The following TTN variants were observed in gnomAD, a reference collection of about 807,000 sequenced individuals.
The protein encoded by TTN is titin, also known as connectin.
A neutral mutation model predicts 3,223.0 loss-of-function variants in TTN; 1,525 were observed. That is an observed-to-expected ratio of 0.47 (90% CI 0.45 to 0.49). The LOEUF (loss-of-function observed/expected upper bound fraction) is 0.49, where lower values mean the gene tolerates loss of function less well. Ranked by LOEUF, TTN falls within the 20% of genes least tolerant of loss-of-function variation. The pLI is 0.00. For missense variants in TTN, 40,786 were observed against 43,424.0 expected, an observed-to-expected ratio of 0.94 and a Z score of 5.40; for synonymous variants, 14,094 against 15,161.0, an observed-to-expected ratio of 0.93 and a Z score of 5.17.
intron 356 of TTN, 60 bp from the exon 357 acceptor site, chr2:178,536,635 A>T (rs1426883179): frequency 3.6e-6 from 5 of 1,374,140 alleles, no homozygotes; most frequent in Admixed American, 2.8e-5. Context: ...ATTAAAGCTT[A>T]TTTTTTTAAA....
At position 178,720,194 on chromosome 2, in the gene TTN, G is replaced by A. The variant is rs1477685719; in HGVS notation, c.23448C>T (p.Ala7816=). The change falls in exon 81 of 363, where the codon GCC becomes GCT. Residue 7816 remains alanine (A), a synonymous_variant. Transcript: ENST00000589042. ...TLIGDAVELR[A]IVEGFQPISV... ...AAATTGGCTGGAAGCCCTCCACTAT[G>A]GCCCGTAACTCAACAGCATCCCCAA... The A allele has an allele frequency of 6.2e-7, 1 of 1,613,738 alleles. No individual in the cohort carries two copies. Among genetic ancestry groups the A allele is most frequent in the South Asian group, 1.1e-5 (1 of 91,068 alleles).
Position 178,756,206 on chromosome 2 carries a change from C to G in TTN, c.11254+16G>C, listed in dbSNP as rs751243951. ...GAGGATGAAATGAAGCAAGTCATAG[C>G]TAAAAATCAATTAACCACCTTCTAC... On this transcript the variant is annotated intron_variant, in intron 46 of 362. Transcript: ENST00000589042. 5 of 1,571,752 alleles carry G rather than the reference C, an allele frequency of 3.2e-6. No individual in the cohort carries two copies. The Admixed American group carries it at 8.6e-5, about 27-fold the overall frequency.
At position 178,740,289 on chromosome 2, in the gene TTN, C is replaced by T. The variant is rs1308796300; in HGVS notation, c.12944G>A (p.Gly4315Glu). The T allele has an allele frequency of 3.1e-6, 5 of 1,613,630 alleles. No individual in the cohort carries two copies. Among genetic ancestry groups the T allele is most frequent in the Non-Finnish European group, 4.2e-6 (5 of 1,179,808 alleles). ...CTCAATTCTGACCGCAGAATCTTGC[C>T]CTGCATTTTCCAGTGGATTTGCACT... ...IESANPLENA[G>E]QDSAVRIEEG... Residue 4315 changes from glycine to glutamate, a missense_variant, in exon 48 of 363, where the codon GGG becomes GAG. By Grantham distance (98) the Gly-to-Glu change is moderately conservative. Transcript: ENST00000589042.
intron 13 of TTN, among the ~76,000 whole-genome samples, chr2:178,788,209 G>A (rs2093309903): frequency 6.6e-6 from 1 of 152,004 alleles, no homozygotes; most frequent in African/African-American, 2.4e-5. Flanking sequence ...AGATGTATTT[G>A]TTTTTGTTTA....
intron 145 of TTN, 85 bp from the exon 146 acceptor site, chr2:178,678,002 T>C: frequency 6.4e-7 from 1 of 1,561,176 alleles, no homozygotes; most frequent in Middle Eastern, 1.7e-4. Flanking sequence ...AAGGCAAATA[T>C]TCTGTGATCA....
At position 178,573,081 on chromosome 2, in the gene TTN, C is replaced by T. The variant is rs1420684207; in HGVS notation, c.73051G>A (p.Gly24351Ser). 3 of 1,613,128 alleles carry T rather than the reference C, an allele frequency of 1.9e-6. No individual in the cohort carries two copies. Among genetic ancestry groups the T allele is most frequent in the East Asian group, 4.5e-5 (2 of 44,688 alleles). Reference sequence around the variant, plus strand: ...ATATACCCAGTGATTTCTGAACCACCATCATAGATAGGTTTATTCCAAGCG... The same window carrying T: ...ATATACCCAGTGATTTCTGAACCACTATCATAGATAGGTTTATTCCAAGCG... ...SIAWNKPIYD[G>S]GSEITGYMVE... The change falls in exon 326 of 363, where the codon GGT (glycine) becomes AGT (serine). Residue 24351 changes from glycine to serine, a missense_variant. By Grantham distance (56) the Gly-to-Ser change is moderately conservative. Transcript: ENST00000589042.
At chr2:178,758,536 C>T (rs1231191257) in intron 44 of TTN, among the ~76,000 whole-genome samples, 1 of 152,134 alleles carries the variant, frequency 6.6e-6, no homozygotes, top group African/African-American at 2.4e-5. Context: ...GAATATAGCT[C>T]GCTGGTGTAC....
intron 22 of TTN, 72 bp downstream of exon 22, chr2:178,779,928 T>G: frequency 6.6e-7 from 1 of 1,513,648 alleles, no homozygotes; most frequent in Non-Finnish European, 9.1e-7. Flanking sequence ...CACTTGAAAA[T>G]GAAAATATCA....
At position 178,667,235 on chromosome 2, in the gene TTN, C is replaced by A. The variant is rs917175304; in HGVS notation, c.35797+1G>T. On this transcript the variant is annotated splice_donor_variant, in intron 162 of 362. Transcript: ENST00000589042. LOFTEE classifies it high-confidence loss of function. ...AGATTTTCCTAACTAGAGAATTATA[C>A]CTTCAGTTGGAGGATGTTCTGGAAT... The A allele has an allele frequency of 3.1e-6, 5 of 1,594,028 alleles. No homozygotes were observed. The African/African-American group carries it at 6.7e-5, about 21-fold the overall frequency.
At chr2:178,747,347 A>G in intron 47 of TTN, 3 of 1,613,296 alleles carry the variant, frequency 1.9e-6, no homozygotes, top group Non-Finnish European at 2.5e-6. Context: ...TCCTGAATGT[A>G]TTGAGGATTG....
At position 178,535,719 on chromosome 2, in the gene TTN, T is replaced by C; in HGVS notation, c.100896A>G (p.Gly33632=). 1.2e-6 allele frequency: 2 copies of C among 1,613,818 alleles called. No individual in the cohort carries two copies. Among genetic ancestry groups the C allele is most frequent in the East Asian group, 4.5e-5 (2 of 44,874 alleles). ...KPDPVITWQK[G]QDLIDNNGHY... is the part of the protein sequence containing the mutation. ...GGCCATTATTGTCAATGAGATCTTG[T>C]CCTTTCTGCCAGGTGATCACAGGAT... Residue 33632 remains glycine (G), a synonymous_variant, in exon 358 of 363, where the codon GGA becomes GGG. Transcript: ENST00000589042.
In TTN at chr2:178,604,808, C is replaced by T; in HGVS notation, c.54281G>A (p.Gly18094Asp). The T allele has an allele frequency of 1.2e-6, 2 of 1,612,346 alleles. No individual in the cohort carries two copies. The highest frequency in any genetic ancestry group is 1.7e-6 in the Non-Finnish European group (2 of 1,179,026). The part of the protein sequence containing the change: ...LTWDAPLDNG[G>D]SEITHYVIDK... ...AATAACATAATGGGTGATTTCACTGCCACCATTATCAAGAGGGGCATCCCA... is the reference window on the plus strand; with the variant it reads ...AATAACATAATGGGTGATTTCACTGTCACCATTATCAAGAGGGGCATCCCA... Residue 18094 changes from glycine (G) to aspartate (D), a missense_variant, in exon 281 of 363, where the codon GGC becomes GAC. Coordinates refer to ENST00000589042, the MANE Select transcript of TTN (RefSeq NM_001267550.2).
Position 178,547,795 on chromosome 2 carries a change from G to A in TTN, c.93831C>T (p.Asp31277=). 1 of 1,613,868 alleles carries A rather than the reference G, an allele frequency of 6.2e-7. No individual in the cohort carries two copies. ...ATCTTCCAGAGTCACCTCTCATGCT[G>A]TCCTTTACAGTCAGTGTGGTTCTGT... ...TKDRTTLTVK[D]SMRGDSGRYF... The change falls in exon 339 of 363, where the codon GAC becomes GAT. Residue 31277 remains aspartate (D), a synonymous_variant. Coordinates refer to ENST00000589042, the MANE Select transcript of TTN (RefSeq NM_001267550.2).
intron 223 of TTN, among the ~76,000 whole-genome samples, chr2:178,638,238 A>T (rs2060747178): frequency 6.6e-6 from 1 of 151,716 alleles, no homozygotes; most frequent in Non-Finnish European, 1.5e-5. Flanking sequence ...TCAAAAGAAT[A>T]TAGTGTATTT....
At chr2:178,544,579 C>G (rs1224363441) in intron 344 of TTN, 73 bp from the exon 345 acceptor site, 2 of 1,345,444 alleles carry the variant, frequency 1.5e-6, no homozygotes, top group Admixed American at 4.0e-5. Flanking sequence ...TTTTTGTTTT[C>G]AAGACTCACA....
rs1187984311 is a variant in TTN, at chr2:178,776,581, G to C, written c.5283C>G (p.Ser1761Arg). Residue 1761 changes from serine (S) to arginine (R), a missense_variant, in exon 28 of 363, where the codon AGC becomes AGG. Ser to Arg is a moderately radical substitution (Grantham distance 110). Transcript: ENST00000589042. ...LRMINEFGYC[S>R]LDYGVAYSRD... ...TAGAATATGCAACGCCATAATCAAG[G>C]CTGCAGTACCCAAATTCATTGATCA... 1.2e-6 allele frequency: 2 copies of C among 1,613,718 alleles called. No individual in the cohort carries two copies. Among genetic ancestry groups the C allele is most frequent in the Non-Finnish European group, 1.7e-6 (2 of 1,179,992 alleles).
At position 178,531,062 on chromosome 2, in the gene TTN, T is replaced by C. The variant is rs1688904998; in HGVS notation, c.105553A>G (p.Thr35185Ala). 1.9e-6 allele frequency: 3 copies of C among 1,613,800 alleles called. No individual in the cohort carries two copies. In the South Asian group the frequency reaches 3.3e-5, roughly 18 times the overall value. Residue 35185 changes from threonine (T) to alanine (A), a missense_variant, in exon 358 of 363, where the codon ACC becomes GCC. Physicochemically the swap from Thr to Ala is moderately conservative, Grantham distance 58. Coordinates refer to ENST00000589042, the MANE Select transcript of TTN (RefSeq NM_001267550.2). ...HQVTTTKYKS[T>A]FEISSVQASD... The stretch of plus-strand genomic sequence containing the variant: ...GCCTGGACTGAAGAGATCTCAAAGG[T>C]TGATTTGTACTTTGTGGTGGTCACT...
rs537626868 is a variant in TTN at position 178,671,179 on chromosome 2, A to T, written c.35228-9T>A. On this transcript the variant is annotated splice_polypyrimidine_tract_variant and intron_variant, in intron 155 of 362. Transcript: ENST00000589042. ...CTCAGATATCTCAGGCCCTTCAAAG[A>T]TATTAGTATTTTGGTTTAGAATGAA... The T allele has an allele frequency of 3.5e-5, 55 of 1,587,260 alleles. No homozygotes were observed. In the South Asian group the frequency reaches 5.4e-4, roughly 16 times the overall value.
chr2:178,593,906 C>A (rs762626550), intron 297 of TTN, 39 bp from the exon 298 acceptor site: 1 of 1,607,760 alleles, frequency 6.2e-7, no homozygotes, highest in Non-Finnish European at 8.5e-7. Context: ...ATGTTATTGC[C>A]ATTTCTGCTT....
Sources: gnomAD v4.1 joint callset for allele counts (sites outside exome capture counted in the v4.1 genomes callset) on GRCh38, gnomAD v4.1.1 for gene constraint, MANE v1.5 for transcripts, NCBI Gene and HGNC (gene_info 2026-07-23, HGNC 2026-07-21) for gene names.